Variants in SMAD3 observed in about 807,000 individuals in gnomAD.
SMAD3 encodes SMAD family member 3, also known as MAD homolog 3.
A neutral mutation model predicts 51.8 loss-of-function variants in SMAD3; 12 were observed. That is an observed-to-expected ratio of 0.23 (90% confidence interval 0.15 to 0.38). SMAD3 has a LOEUF of 0.38. Among genes scored for constraint, SMAD3 ranks in the 10% least tolerant of loss-of-function variants. The pLI is 1.00. For missense variants in SMAD3, 294 were observed against 565.6 expected, an observed-to-expected ratio of 0.52 and a Z score of 4.87; for synonymous variants, 238 against 227.7, an observed-to-expected ratio of 1.05 and a Z score of -0.41.
intron 1 of SMAD3, among the ~76,000 whole-genome samples, chr15:67,162,169 T>C (rs982646010): frequency 2.0e-5 from 3 of 152,100 alleles, no homozygotes; most frequent in Admixed American, 2.0e-4. Context: ...ATCCCTCTGT[T>C]TCTCTCTTTG....
intron 1 of SMAD3, chr15:67,125,904 C>T (rs986688784): frequency 1.0e-6 from 1 of 985,448 alleles, no homozygotes. Context: ...CGCTGGGTTC[C>T]CACAGGATGC....
chr15:67,141,152 A>T (rs775015238), intron 1 of SMAD3, among the ~76,000 whole-genome samples: 27 of 152,218 alleles, frequency 1.8e-4, no homozygotes, highest in Non-Finnish European at 3.2e-4. Flanking sequence ...AAGTTTCTTA[A>T]GGAAGTTGCC....
At chr15:67,113,058 T>C (rs988257437) in intron 1 of SMAD3, among the ~76,000 whole-genome samples, 1 of 60,834 alleles carries the variant, frequency 1.6e-5, no homozygotes, top group South Asian at 9.3e-4. Flanking sequence ...AATCAACTTT[T>C]AAAATATATA....
intron 5 of SMAD3, 33 bp from the exon 6 acceptor site, chr15:67,181,208 C>T (rs1362953837): frequency 4.5e-6 from 7 of 1,564,650 alleles, no homozygotes; most frequent in Non-Finnish European, 6.1e-6. Flanking sequence ...CTTGGGACAC[C>T]CAATGACCCA....
chr15:67,100,666 T>C (rs191201756), intron 1 of SMAD3, among the ~76,000 whole-genome samples: 6 of 152,290 alleles, frequency 3.9e-5, no homozygotes, highest in Non-Finnish European at 7.3e-5. Flanking sequence ...ATCAAATGTA[T>C]TCCTCTAATG....
At position 67,175,706 on chromosome 15, in the gene SMAD3, C is replaced by T. The variant is rs190242741; in HGVS notation, c.658+5102C>T. On this transcript the variant is annotated intron_variant, in intron 5 of 8. Coordinates refer to ENST00000327367, the MANE Select transcript of SMAD3 (RefSeq NM_005902.4). ...GGGTGAGACTCCACGCTGACAGGCCCGGCTTCCCCTCTGCTTCATGAGCCC... is the reference window on the plus strand; with the variant it reads ...GGGTGAGACTCCACGCTGACAGGCCTGGCTTCCCCTCTGCTTCATGAGCCC... 5.9e-3 allele frequency among the ~76,000 whole-genome samples: 896 copies of T among 152,274 alleles called. 6 individuals carry two copies. The highest frequency in any genetic ancestry group is 0.02 in the Middle Eastern group (6 of 294).
intron 1 of SMAD3, among the ~76,000 whole-genome samples, chr15:67,103,722 A>G (rs1445847689): frequency 6.6e-6 from 1 of 152,182 alleles, no homozygotes; most frequent in Non-Finnish European, 1.5e-5. Flanking sequence ...CACATAGCAC[A>G]ACAAGGAGCT....
chr15:67,114,481 A>G (rs929849180), intron 1 of SMAD3, among the ~76,000 whole-genome samples: 1 of 152,234 alleles, frequency 6.6e-6, no homozygotes, highest in Non-Finnish European at 1.5e-5. Context: ...CCCACACCCA[A>G]TAAAGGGCTT....
chr15:67,191,035 G>GGCCCCCCCCCCCCCC lies in SMAD3; in HGVS notation c.*499_*500insGCCCCCCCCCCCCCC. ...TCTTCCAGTGAACATTCCCAGCCCA[G>GGCCCCCCCCCCCCCC]CCCCGCCCCGCCCCGCCCCACCACT... On this transcript the variant is annotated 3_prime_UTR_variant, in exon 9 of 9. Coordinates refer to ENST00000327367, the MANE Select transcript of SMAD3 (RefSeq NM_005902.4). 4.5e-6 allele frequency: 1 copy of GGCCCCCCCCCCCCCC among 224,534 alleles called. No individual in the cohort carries two copies. Among genetic ancestry groups the GGCCCCCCCCCCCCCC allele is most frequent in the Non-Finnish European group, 8.8e-6 (1 of 114,168 alleles). 13.9% of individuals were successfully genotyped at this position (224,534 alleles called of 1,614,324 possible).
rs1390085285 is a variant in SMAD3 at position 67,184,934 on chromosome 15, A to G, written c.1009+70A>G. 1.8e-5 allele frequency: 28 copies of G among 1,585,426 alleles called. No individual in the cohort carries two copies. In the East Asian group the frequency reaches 5.8e-4, roughly 33 times the overall value. ...AGTGCATGCCTAGGATGCTGGAGAG[A>G]GTCCACCTTTCTCACCTTTTCTGCT... On this transcript the variant is annotated intron_variant, in intron 7 of 8. Transcript: ENST00000327367.
At chr15:67,088,436 C>T (rs1162254345) in intron 1 of SMAD3, among the ~76,000 whole-genome samples, 4 of 152,234 alleles carry the variant, frequency 2.6e-5, no homozygotes, top group South Asian at 4.1e-4. Context: ...CACGTGGAAG[C>T]GGGGGAGGCA....
Position 67,190,450 on chromosome 15 carries a change from C to T in SMAD3, c.1192C>T (p.Leu398=). 6.2e-7 allele frequency: 1 copy of T among 1,613,992 alleles called. No individual in the cohort carries two copies. The highest frequency in any genetic ancestry group is 8.5e-7 in the Non-Finnish European group (1 of 1,179,902). ...TVTSTPCWIE[L]HLNGPLQWLD... is the part of the protein sequence containing the mutation. The stretch of plus-strand genomic sequence containing the variant: ...GACCAGTACCCCCTGCTGGATTGAG[C>T]TGCACCTGAATGGGCCTTTGCAGTG... The change falls in exon 9 of 9, where the codon CTG becomes TTG. Residue 398 remains leucine (L), a synonymous_variant. Coordinates refer to ENST00000327367, the MANE Select transcript of SMAD3 (RefSeq NM_005902.4).
chr15:67,179,628 G>A (rs1360890971), intron 5 of SMAD3, among the ~76,000 whole-genome samples: 4 of 152,164 alleles, frequency 2.6e-5, no homozygotes, highest in African/African-American at 9.7e-5. Context: ...TCCAAAAGGG[G>A]ATTGGGACAC....
chr15:67,114,301 G>A (rs1348924830), intron 1 of SMAD3, among the ~76,000 whole-genome samples: 5 of 152,148 alleles, frequency 3.3e-5, no homozygotes, highest in Non-Finnish European at 5.9e-5. Context: ...GGGAGGTCCT[G>A]GCCAAAACTG....
rs1283451336 is a variant in SMAD3 at position 67,165,755 on chromosome 15, AG to A, written c.532+374del. On this transcript the variant is annotated intron_variant, in intron 3 of 8. Transcript: ENST00000327367. Reference sequence around the variant, plus strand: ...GTCTGCAGAGGCGGGGAGTGAGCTGAGGGCCAGGCAGCAAGTGCGGAGAGCT... The same window carrying A: ...GTCTGCAGAGGCGGGGAGTGAGCTGAGGCCAGGCAGCAAGTGCGGAGAGCT... 6.6e-5 allele frequency among the ~76,000 whole-genome samples: 10 copies of A among 152,286 alleles called. 1 individual carries two copies. Among genetic ancestry groups the A allele is most frequent in the African/African-American group, 2.4e-4 (10 of 41,556 alleles).
intron 1 of SMAD3, among the ~76,000 whole-genome samples, chr15:67,139,509 A>C (rs1961760536): frequency 6.6e-6 from 1 of 152,118 alleles, no homozygotes; most frequent in African/African-American, 2.4e-5. Context: ...AAACTTCCTT[A>C]ATGACTGTGG....
chr15:67,145,362 G>C (rs1184502800), intron 1 of SMAD3, among the ~76,000 whole-genome samples: 1 of 152,162 alleles, frequency 6.6e-6, no homozygotes, highest in East Asian at 1.9e-4. Flanking sequence ...AGAAGGCTTG[G>C]CAAAATTTGA....
chr15:67,154,544 C>A (rs1962231981), intron 1 of SMAD3, among the ~76,000 whole-genome samples: 1 of 152,172 alleles, frequency 6.6e-6, no homozygotes, highest in Non-Finnish European at 1.5e-5. Flanking sequence ...CAACCACATA[C>A]TTGACCTCAC....
At chr15:67,149,121 C>T (rs1178512887) in intron 1 of SMAD3, among the ~76,000 whole-genome samples, 2 of 152,192 alleles carry the variant, frequency 1.3e-5, no homozygotes, top group Non-Finnish European at 2.9e-5. Flanking sequence ...GAGTGGGTTA[C>T]TGTTTGAGCT....
Sources: gnomAD v4.1 joint callset for allele counts (sites outside exome capture counted in the v4.1 genomes callset) on GRCh38, gnomAD v4.1.1 for gene constraint, MANE v1.5 for transcripts, NCBI Gene and HGNC (gene_info 2026-07-23, HGNC 2026-07-21) for gene names.